The following RBFOX3 variants were observed in gnomAD, a reference collection of about 807,000 sequenced individuals.
The protein encoded by RBFOX3 is RNA binding fox-1 homolog 3, also known as RNA binding protein fox-1 homolog 3.
A neutral mutation model predicts 48.7 loss-of-function variants in RBFOX3; 17 were observed. The ratio of observed to expected loss-of-function variants is 0.35; its 90% CI spans 0.24 to 0.52. The LOEUF is 0.52. Among genes scored for constraint, RBFOX3 ranks in the 20% least tolerant of loss-of-function variants. The pLI, the probability that RBFOX3 is intolerant of heterozygous loss-of-function variation, is 0.94. For missense variants in RBFOX3, 382 were observed against 497.5 expected (o/e 0.77, Z 2.21); for synonymous variants, 212 against 209.5 (o/e 1.01, Z -0.10).
At chr17:79,292,134 C>T (rs2073386065) in intron 3 of RBFOX3, among the ~76,000 whole-genome samples, 1 of 152,058 alleles carries the variant, frequency 6.6e-6, no homozygotes, top group South Asian at 2.1e-4. Flanking sequence ...TTCCAGTAAT[C>T]ATATTGTGGT....
At chr17:79,499,219 TATATCCATTCATCCATCCATTCAC>T (rs1465424521) in intron 1 of RBFOX3, among the ~76,000 whole-genome samples, 2 of 149,576 alleles carry the variant, frequency 1.3e-5, no homozygotes, top group African/African-American at 4.9e-5. Context: ...TACCTACTCA[TATATCCATTCATCCATCCATTCAC>T]ATATCCATTC....
intron 4 of RBFOX3, among the ~76,000 whole-genome samples, chr17:79,230,407 C>G (rs2060879186): frequency 6.6e-6 from 1 of 151,902 alleles, no homozygotes; most frequent in Non-Finnish European, 1.5e-5. Context: ...CTACAGTCAC[C>G]CGCCACCATA....
intron 1 of RBFOX3, among the ~76,000 whole-genome samples, chr17:79,553,836 G>A (rs1051340903): frequency 5.3e-5 from 8 of 152,148 alleles, no homozygotes; most frequent in South Asian, 2.1e-4. Flanking sequence ...GGGTGCAAGC[G>A]ATTCTCCTGC....
chr17:79,626,491 T>C, the RBFOX3 span, among the ~76,000 whole-genome samples: 1 of 152,190 alleles, frequency 6.6e-6, no homozygotes, highest in South Asian at 2.1e-4. Context: ...ACTAAAATCA[T>C]CATCCCCCGT....
chr17:79,336,566 G>A (rs2081233899), intron 2 of RBFOX3, among the ~76,000 whole-genome samples: 1 of 152,224 alleles, frequency 6.6e-6, no homozygotes, highest in South Asian at 2.1e-4. Flanking sequence ...CACAAGGGCA[G>A]AAATCAGTGA....
At chr17:79,200,170 A>AAAAAAG (rs1304761890) in intron 4 of RBFOX3, among the ~76,000 whole-genome samples, 14 of 151,934 alleles carry the variant, frequency 9.2e-5, no homozygotes, top group Admixed American at 7.2e-4. Flanking sequence ...CTCAAAAAAA[A>AAAAAAG]AAAAAAAAAA....
the RBFOX3 span, among the ~76,000 whole-genome samples, chr17:79,622,564 T>C: frequency 6.6e-6 from 1 of 152,204 alleles, no homozygotes; most frequent in East Asian, 1.9e-4. Flanking sequence ...AAGATGGAGA[T>C]GTCAGCAGGA....
intron 1 of RBFOX3, among the ~76,000 whole-genome samples, chr17:79,500,837 T>G (rs959751582): frequency 1.3e-4 from 20 of 152,132 alleles, no homozygotes; most frequent in Admixed American, 4.6e-4. Context: ...TGAGGGCAGG[T>G]GGGCCAGGCT....
intron 1 of RBFOX3, among the ~76,000 whole-genome samples, chr17:79,517,923 C>G (rs951831558): frequency 3.4e-4 from 52 of 152,316 alleles, no homozygotes; most frequent in Middle Eastern, 3.4e-3. Context: ...AGCCCGAGGT[C>G]TGACCCGGTA....
At chr17:79,640,283 C>T in the RBFOX3 span, among the ~76,000 whole-genome samples, 2 of 152,020 alleles carry the variant, frequency 1.3e-5, no homozygotes, top group African/African-American at 4.8e-5. Flanking sequence ...AATTATAAAA[C>T]ACTGATGCAG....
At chr17:79,262,366 C>A (rs546512406) in intron 3 of RBFOX3, among the ~76,000 whole-genome samples, 1 of 152,260 alleles carries the variant, frequency 6.6e-6, no homozygotes, top group Non-Finnish European at 1.5e-5. Context: ...CATGACCCTG[C>A]GCAAGCAGAT....
chr17:79,172,582 G>A (rs56086333), intron 4 of RBFOX3, among the ~76,000 whole-genome samples: 25,277 of 152,154 alleles, frequency 0.17, 3,282 homozygotes, highest in African/African-American at 0.36. Context: ...GAGGGTCTGC[G>A]CTTCTAGCTG....
At chr17:79,273,699 A>T (rs1471146695) in intron 3 of RBFOX3, among the ~76,000 whole-genome samples, 1 of 152,168 alleles carries the variant, frequency 6.6e-6, no homozygotes, top group Non-Finnish European at 1.5e-5. Context: ...CCCCATTGGC[A>T]GTGATGTCCG....
chr17:79,246,084 CCTCT>C (rs1207012634), intron 3 of RBFOX3, among the ~76,000 whole-genome samples: 1 of 152,144 alleles, frequency 6.6e-6, no homozygotes, highest in African/African-American at 2.4e-5. Context: ...ATTTTCCTGC[CCTCT>C]CTGTCTTCCA....
At chr17:79,437,213 C>A (rs9783840) in intron 2 of RBFOX3, among the ~76,000 whole-genome samples, 50,598 of 151,832 alleles carry the variant, frequency 0.33, 8,611 homozygotes, top group Middle Eastern at 0.37. Context: ...GGTCTGGGGC[C>A]GCCCCATCCC....
At chr17:79,131,391 G>A (rs935726805) in intron 4 of RBFOX3, among the ~76,000 whole-genome samples, 29 of 152,314 alleles carry the variant, frequency 1.9e-4, no homozygotes, top group Admixed American at 5.2e-4. Flanking sequence ...TACCTTCACC[G>A]TCTTCCAGCT....
intron 1 of RBFOX3, among the ~76,000 whole-genome samples, chr17:79,581,326 G>A (rs978137356): frequency 6.6e-4 from 100 of 152,294 alleles, no homozygotes; most frequent in African/African-American, 1.7e-3. Flanking sequence ...GGAAGCCTCC[G>A]GGCTTTTGCA....
intron 2 of RBFOX3, among the ~76,000 whole-genome samples, chr17:79,313,635 A>G (rs2077146710): frequency 6.6e-6 from 1 of 152,158 alleles, no homozygotes; most frequent in Admixed American, 6.5e-5. Context: ...TCCTGGAGAT[A>G]AAGTGAGGCC....
At chr17:79,345,387 C>A (rs1598335433) in intron 2 of RBFOX3, among the ~76,000 whole-genome samples, 2 of 152,144 alleles carry the variant, frequency 1.3e-5, no homozygotes, top group African/African-American at 4.8e-5. Context: ...AGAAGTTTAT[C>A]AGTTTTATTG....
Sources: gnomAD v4.1 joint callset for allele counts (sites outside exome capture counted in the v4.1 genomes callset) on GRCh38, gnomAD v4.1.1 for gene constraint, MANE v1.5 for transcripts, NCBI Gene and HGNC (gene_info 2026-07-23, HGNC 2026-07-21) for gene names.